Variants in RBM20 observed in about 807,000 individuals in gnomAD.
RBM20 encodes the protein RNA binding motif protein 20.
RBM20 carries 51 observed loss-of-function variants against 110.1 expected under a neutral mutation model. The ratio of observed to expected loss-of-function variants is 0.46; its 90% CI spans 0.37 to 0.59. The LOEUF (loss-of-function observed/expected upper bound fraction) is 0.59. Among genes scored for constraint, RBM20 ranks in the 20% least tolerant of loss-of-function variants. The pLI, the probability that RBM20 is intolerant of heterozygous loss-of-function variation, is 0.00. For missense variants in RBM20, 1,512 were observed against 1,574.9 expected, an observed-to-expected ratio of 0.96 and a Z score of 0.68; for synonymous variants, 589 against 618.2, an observed-to-expected ratio of 0.95 and a Z score of 0.70.
Position 110,799,925 on chromosome 10 carries a change from C to T in RBM20, c.1800+7C>T. The T allele has an allele frequency of 6.4e-7, 1 of 1,551,650 alleles. No homozygotes were observed. Among genetic ancestry groups the T allele is most frequent in the Non-Finnish European group, 8.7e-7 (1 of 1,146,744 alleles). ...CAAGGAATTGCAGCTCAAGGTAAAG[C>T]ATTATCTTGCTCATTCAGTCATTCA... On this transcript the variant is annotated splice_region_variant and intron_variant, in intron 7 of 13. Transcript: ENST00000369519.
At chr10:110,816,871 G>A (rs2135113357) in intron 9 of RBM20, among the ~76,000 whole-genome samples, 1 of 152,320 alleles carries the variant, frequency 6.6e-6, no homozygotes, top group Middle Eastern at 3.4e-3. Flanking sequence ...GTGATCACAA[G>A]GCTGTTGTAG....
rs1484220461 is a variant in RBM20, at chr10:110,836,441, A to G, written c.*463A>G. 6.6e-6 allele frequency: 1 copy of G among 152,462 alleles called. No homozygotes were observed. The highest frequency in any genetic ancestry group is 1.5e-5 in the Non-Finnish European group (1 of 68,256). 9.4% of individuals were successfully genotyped at this position (152,462 alleles called of 1,614,324 possible). Reference sequence around the variant, plus strand: ...CTGGGTCAGGCGAACCCCTGCAGTGAGTCTACAGCAGTATCTCTGCCTGGT... The same window carrying G: ...CTGGGTCAGGCGAACCCCTGCAGTGGGTCTACAGCAGTATCTCTGCCTGGT... On this transcript the variant is annotated 3_prime_UTR_variant, in exon 14 of 14. Transcript: ENST00000369519.
At chr10:110,707,524 T>C (rs901392192) in intron 1 of RBM20, among the ~76,000 whole-genome samples, 2 of 152,230 alleles carry the variant, frequency 1.3e-5, no homozygotes, top group Non-Finnish European at 2.9e-5. Flanking sequence ...ATGAATGGTT[T>C]TAAAAGGCAA....
chr10:110,801,155 G>T (rs906098332), intron 7 of RBM20, among the ~76,000 whole-genome samples: 2 of 152,158 alleles, frequency 1.3e-5, no homozygotes, highest in Admixed American at 6.5e-5. Flanking sequence ...TCGGCCGGGC[G>T]TGGTGGCTCA....
chr10:110,653,034 T>G (rs1341848704), intron 1 of RBM20, among the ~76,000 whole-genome samples: 1 of 152,202 alleles, frequency 6.6e-6, no homozygotes, highest in Non-Finnish European at 1.5e-5. Flanking sequence ...TCTGCTCTTC[T>G]TTGTTCAAGG....
intron 1 of RBM20, among the ~76,000 whole-genome samples, chr10:110,766,903 C>A (rs1297791938): frequency 2.1e-5 from 3 of 143,642 alleles, no homozygotes; most frequent in Admixed American, 6.8e-5. Context: ...TAGGGGCGGC[C>A]GGGCAGAGGC....
chr10:110,838,636 C>G lies in RBM20; in HGVS notation c.*2658C>G, dbSNP rs1845163724. 1 of 152,104 alleles carries G rather than the reference C, an allele frequency of 6.6e-6. No homozygotes were observed. The highest frequency in any genetic ancestry group is 6.6e-5 in the Admixed American group (1 of 15,258). 9.4% of individuals were successfully genotyped at this position (152,104 alleles called of 1,614,324 possible). On this transcript the variant is annotated 3_prime_UTR_variant, in exon 14 of 14. Transcript: ENST00000369519. ...GATTTTACCAGCTCATTCCACTCCACCCTGGCCTTCCCCCACCCCCCATCC... is the reference window on the plus strand; with the variant it reads ...GATTTTACCAGCTCATTCCACTCCAGCCTGGCCTTCCCCCACCCCCCATCC...
intron 5 of RBM20, among the ~76,000 whole-genome samples, chr10:110,795,956 G>C (rs1231981486): frequency 6.6e-6 from 1 of 152,208 alleles, no homozygotes; most frequent in Non-Finnish European, 1.5e-5. Context: ...GACCAGAATA[G>C]CTCCTCTTTT....
chr10:110,661,324 C>T (rs1448981187), intron 1 of RBM20, among the ~76,000 whole-genome samples: 1 of 152,178 alleles, frequency 6.6e-6, no homozygotes, highest in Non-Finnish European at 1.5e-5. Context: ...TGACTTGGTG[C>T]TCTTCTCATG....
chr10:110,817,072 A>G (rs1203445767), intron 9 of RBM20, among the ~76,000 whole-genome samples: 1 of 152,218 alleles, frequency 6.6e-6, no homozygotes, highest in Non-Finnish European at 1.5e-5. Context: ...CATGGGGAAG[A>G]AACACTGCTA....
At chr10:110,812,165 T>C in intron 8 of RBM20, 113 bp from the exon 9 acceptor site, 2 of 943,108 alleles carry the variant, frequency 2.1e-6, no homozygotes, top group South Asian at 3.4e-5. Flanking sequence ...GAGTTAAGAG[T>C]GTACACAGTT....
intron 7 of RBM20, 84 bp from the exon 8 acceptor site, chr10:110,810,299 A>G (rs1272040547): frequency 3.0e-6 from 3 of 990,278 alleles, no homozygotes; most frequent in East Asian, 2.6e-5. Context: ...GGACCAGGCA[A>G]TGAATGACCC....
chr10:110,794,681 G>T (rs182471201), intron 5 of RBM20, among the ~76,000 whole-genome samples: 4 of 152,156 alleles, frequency 2.6e-5, no homozygotes, highest in African/African-American at 9.7e-5. Flanking sequence ...GACAACAAGG[G>T]AATTGGTAAA....
At chr10:110,703,350 C>G (rs1479477365) in intron 1 of RBM20, among the ~76,000 whole-genome samples, 2 of 150,444 alleles carry the variant, frequency 1.3e-5, no homozygotes, top group Non-Finnish European at 3.0e-5. Context: ...TGCACTCTAG[C>G]CTGGACAACA....
chr10:110,831,356 T>G, intron 13 of RBM20, 174 bp downstream of exon 13: 1 of 600,934 alleles, frequency 1.7e-6, no homozygotes, highest in Non-Finnish European at 2.8e-6. Flanking sequence ...TGTTTTCTGC[T>G]TCTGTGTCTG....
chr10:110,761,106 A>G (rs1843993662), intron 1 of RBM20: 1 of 110,676 alleles, frequency 9.0e-6, no homozygotes, highest in Non-Finnish European at 2.3e-5. Flanking sequence ...TCAAAAAAAA[A>G]AAAAAAAAAG....
intron 1 of RBM20, among the ~76,000 whole-genome samples, chr10:110,737,584 T>G (rs909805849): frequency 6.6e-6 from 1 of 150,814 alleles, no homozygotes; most frequent in Non-Finnish European, 1.5e-5. Flanking sequence ...TGACGATCTT[T>G]AACAATGTTG....
intron 9 of RBM20, among the ~76,000 whole-genome samples, chr10:110,817,899 C>T (rs1844859863): frequency 6.6e-6 from 1 of 152,318 alleles, no homozygotes; most frequent in Non-Finnish European, 1.5e-5. Context: ...ACAGGGCCTA[C>T]ACTATGCAGG....
At position 110,812,714 on chromosome 10, in the gene RBM20, AAGC is replaced by A. The variant is rs1185715843; in HGVS notation, c.2326_2328del (p.Gln776del). 2 of 1,551,754 alleles carry A rather than the reference AAGC, an allele frequency of 1.3e-6. No homozygotes were observed. Among genetic ancestry groups the A allele is most frequent in the Admixed American group, 3.9e-5 (2 of 51,016 alleles). Reference sequence around the variant, plus strand: ...CAAAGCCAAGTCGGACAAGTATCTGAAGCAGCAGCAGGATGCCCCCGGGAGGTC... The same window carrying A: ...CAAAGCCAAGTCGGACAAGTATCTGAAGCAGCAGGATGCCCCCGGGAGGTC... On this transcript the variant is annotated inframe_deletion, in exon 9 of 14. Coordinates refer to ENST00000369519, the MANE Select transcript of RBM20 (RefSeq NM_001134363.3).
Sources: gnomAD v4.1 joint callset for allele counts (sites outside exome capture counted in the v4.1 genomes callset) on GRCh38, gnomAD v4.1.1 for gene constraint, MANE v1.5 for transcripts, NCBI Gene and HGNC (gene_info 2026-07-23, HGNC 2026-07-21) for gene names.